MICALL2: variants seen among roughly 807,000 people sequenced by gnomAD.
MICALL2 encodes the protein MICAL-like protein 2.
Under a neutral mutation model 91.1 loss-of-function variants are expected in MICALL2, and 111 were observed. That is an observed-to-expected ratio of 1.22 (90% CI 1.04 to 1.43). The LOEUF (loss-of-function observed/expected upper bound fraction) is 1.43, where lower values mean the gene tolerates loss of function less well. MICALL2 is among the 40% of genes most tolerant of loss of function. The pLI is 0.00. For missense variants in MICALL2, 1,556 were observed against 1,236.0 expected, an observed-to-expected ratio of 1.26 and a Z score of -3.88; for synonymous variants, 694 against 525.3, an observed-to-expected ratio of 1.32 and a Z score of -4.39.
intron 16 of MICALL2, 34 bp from the exon 17 acceptor site, chr7:1,434,706 A>T (rs9986863): frequency 0.19 from 282,232 of 1,522,094 alleles, 30,941 homozygotes; most frequent in African/African-American, 0.5. Flanking sequence ...GCCGTGCTCA[A>T]CGCCGCAGCC....
chr7:1,458,008 A>AC (rs1275584345), intron 1 of MICALL2, among the ~76,000 whole-genome samples: 2 of 152,264 alleles, frequency 1.3e-5, no homozygotes, highest in African/African-American at 2.4e-5. Context: ...TGCAAGGGCA[A>AC]CAGAGGCACG....
rs1243611792 is a variant in MICALL2, at chr7:1,437,263, C to T, written c.2476+272G>A. ...ACTAAATGCCTTGTGCGAATTGATTCGTTTAATCCTCACAACAGCTGCGTG... is the reference window on the plus strand; with the variant it reads ...ACTAAATGCCTTGTGCGAATTGATTTGTTTAATCCTCACAACAGCTGCGTG... On this transcript the variant is annotated intron_variant, in intron 14 of 16. Coordinates refer to ENST00000297508, the MANE Select transcript of MICALL2 (RefSeq NM_182924.4). 2.1e-5 allele frequency: 11 copies of T among 511,760 alleles called. 1 individual carries two copies. Among genetic ancestry groups the T allele is most frequent in the South Asian group, 8.5e-5 (3 of 35,492 alleles). 31.7% of individuals were successfully genotyped at this position (511,760 alleles called of 1,614,324 possible).
intron 1 of MICALL2, among the ~76,000 whole-genome samples, chr7:1,455,308 C>A (rs1780973584): frequency 6.6e-6 from 1 of 152,200 alleles, no homozygotes; most frequent in Non-Finnish European, 1.5e-5. Flanking sequence ...GCTGTTTGTT[C>A]TGGGTGGTTT....
In MICALL2 at chr7:1,444,653, T is replaced by C. The variant is rs1328569604; in HGVS notation, c.1417A>G (p.Arg473Gly). 6.2e-7 allele frequency: 1 copy of C among 1,608,962 alleles called. No homozygotes were observed. The highest frequency in any genetic ancestry group is 8.5e-7 in the Non-Finnish European group (1 of 1,179,482). ...LEEAGAPAPG[R>G]PSPATAAVPS... ...GTCCCTCGGTCCCCACGCGCTCACC[T>C]GCCAGGCGCCGGAGCGCCAGCCTCT... The change falls in exon 6 of 17, where the codon AGG (arginine) becomes GGG (glycine). Residue 473 changes from arginine to glycine, a missense_variant and splice_region_variant. Coordinates refer to ENST00000297508, the MANE Select transcript of MICALL2 (RefSeq NM_182924.4).
intron 2 of MICALL2, among the ~76,000 whole-genome samples, chr7:1,449,198 G>C (rs1780728546): frequency 6.6e-6 from 1 of 152,232 alleles, no homozygotes. Flanking sequence ...TAGAGGCTGA[G>C]ACAGGGACTC....
intron 1 of MICALL2, 107 bp from the exon 2 acceptor site, chr7:1,450,395 G>A (rs773879820): frequency 1.4e-4 from 130 of 908,750 alleles, no homozygotes; most frequent in Non-Finnish European, 2.2e-4. Flanking sequence ...AGGCCAGGAT[G>A]GGGGGCTGTG....
Position 1,437,935 on chromosome 7 carries a change from T to C in MICALL2, c.2357A>G (p.His786Arg). Reference protein sequence around the residue: ...SLMVDWFWLIHEKQLLLRQES... With the variant: ...SLMVDWFWLIREKQLLLRQES... ...CTGTCTCAGCAGAAGCTGCTTCTCG[T>C]GAATGAGCCAGAACCAGTCCACCAT... Residue 786 changes from histidine (H) to arginine (R), a missense_variant, in exon 13 of 17, where the codon CAC becomes CGC. His to Arg is a conservative substitution (Grantham distance 29). Coordinates refer to ENST00000297508, the MANE Select transcript of MICALL2 (RefSeq NM_182924.4). The C allele has an allele frequency of 1.3e-6, 2 of 1,549,792 alleles. No homozygotes were observed. The highest frequency in any genetic ancestry group is 1.7e-6 in the Non-Finnish European group (2 of 1,147,024).
chr7:1,438,887 T>TGC lies in MICALL2; in HGVS notation c.2073_2074dup (p.Gln692ArgfsTer34). 1 of 1,610,938 alleles carries TGC rather than the reference T, an allele frequency of 6.2e-7. No homozygotes were observed. The highest frequency in any genetic ancestry group is 8.5e-7 in the Non-Finnish European group (1 of 1,179,482). On this transcript the variant is annotated frameshift_variant, in exon 10 of 17. Transcript: ENST00000297508. LOFTEE classifies it high-confidence loss of function. ...TTTCTTCTCCTCCTCCTTCCAGCTCTGCACTCGGGCTTCCTGGCCAGGGGG... is the reference window on the plus strand; with the variant it reads ...TTTCTTCTCCTCCTCCTTCCAGCTCTGCGCACTCGGGCTTCCTGGCCAGGGGG...
At chr7:1,442,560 G>A in intron 6 of MICALL2, 76 bp from the exon 7 acceptor site, 3 of 1,399,538 alleles carry the variant, frequency 2.1e-6, no homozygotes, top group South Asian at 2.8e-5. Context: ...CCGCCCCTCT[G>A]CCTCCCTGCA....
At chr7:1,442,163 G>GGCCTCCT (rs1780314579) in intron 7 of MICALL2, 29 bp downstream of exon 7, 1 of 1,608,248 alleles carries the variant, frequency 6.2e-7, no homozygotes, top group African/African-American at 1.3e-5. Flanking sequence ...GGGCCCCCGG[G>GGCCTCCT]GCCTCCTGCC....
Position 1,437,600 on chromosome 7 carries a change from G to A in MICALL2, c.2411C>T (p.Ala804Val), listed in dbSNP as rs1420579279. The A allele has an allele frequency of 1.3e-6, 2 of 1,539,198 alleles. No homozygotes were observed. The highest frequency in any genetic ancestry group is 1.4e-5 in the African/African-American group (1 of 72,940). Residue 804 changes from alanine to valine, a missense_variant, in exon 14 of 17, where the codon GCC (alanine) becomes GTC (valine). Transcript: ENST00000297508. ...QESELMYKSK[A>V]QRLEEQQLDI... is the part of the protein sequence containing the mutation. The stretch of plus-strand genomic sequence containing the variant: ...CAGCTGCTGCTCCTCCAGACGCTGG[G>A]CCTTGGACCTGCCGCACAGACACGC...
At chr7:1,453,125 A>ACCAACATCGCCAGGTGGAGG (rs1780895964) in intron 1 of MICALL2, among the ~76,000 whole-genome samples, 2 of 151,506 alleles carry the variant, frequency 1.3e-5, no homozygotes, top group African/African-American at 4.9e-5. Context: ...CCAGGTGGAG[A>ACCAACATCGCCAGGTGGAGG]CCCCACTCGT....
chr7:1,439,080 G>T (rs984473265), intron 9 of MICALL2, 85 bp from the exon 10 acceptor site: 3 of 1,118,230 alleles, frequency 2.7e-6, no homozygotes, highest in Non-Finnish European at 3.8e-6. Context: ...CCAACAGCTC[G>T]CTGGGTAGCC....
intron 1 of MICALL2, among the ~76,000 whole-genome samples, chr7:1,453,455 C>T (rs1467378747): frequency 6.6e-6 from 1 of 152,174 alleles, no homozygotes; most frequent in Non-Finnish European, 1.5e-5. Flanking sequence ...CAGCCCTGCT[C>T]ACACCTCCGT....
At chr7:1,439,272 G>C in intron 9 of MICALL2, 1 of 465,262 alleles carries the variant, frequency 2.1e-6, no homozygotes, top group Non-Finnish European at 3.9e-6. Flanking sequence ...AGCTATGAGT[G>C]CTAGGAATAC....
chr7:1,440,247 G>T, intron 8 of MICALL2, 162 bp from the exon 9 acceptor site: 1 of 825,908 alleles, frequency 1.2e-6, no homozygotes, highest in Non-Finnish European at 1.9e-6. Flanking sequence ...GGACCCTCCT[G>T]CAAACACACG....
In MICALL2 at chr7:1,442,304, C is replaced by A. The variant is rs372454683; in HGVS notation, c.1599G>T (p.Pro533=). The change falls in exon 7 of 17, where the codon CCG becomes CCT. Residue 533 remains proline, a synonymous_variant. Transcript: ENST00000297508. ...SSTSQASALP[P]AGRRNLAESS... is the part of the protein sequence containing the mutation. Reference sequence around the variant, plus strand: ...ATTCCGCCAAGTTCCTCCTGCCTGCCGGGGGCAACGCGGATGCCTGAGAGG... The same window carrying A: ...ATTCCGCCAAGTTCCTCCTGCCTGCAGGGGGCAACGCGGATGCCTGAGAGG... 5 of 1,613,110 alleles carry A rather than the reference C, an allele frequency of 3.1e-6. No homozygotes were observed. In the South Asian group the frequency reaches 5.5e-5, roughly 18 times the overall value.
intron 4 of MICALL2, among the ~76,000 whole-genome samples, chr7:1,447,164 A>T (rs1780636553): frequency 6.6e-6 from 1 of 152,158 alleles, no homozygotes; most frequent in Non-Finnish European, 1.5e-5. Context: ...CAGTCCAGGC[A>T]TAGCAGGGGC....
At chr7:1,434,981 A>AGCC in intron 16 of MICALL2, 120 bp downstream of exon 16, 80 of 372,214 alleles carry the variant, frequency 2.1e-4, no homozygotes, top group African/African-American at 2.7e-4. Context: ...GGGACCCGAT[A>AGCC]CCCGCCCCCC....
Sources: allele counts gnomAD v4.1 joint callset (sites outside exome capture counted in the v4.1 genomes callset), GRCh38; gene constraint gnomAD v4.1.1; transcripts MANE v1.5; gene names NCBI Gene and HGNC (gene_info 2026-07-23, HGNC 2026-07-21).